ZDHHC21: variants seen among roughly 807,000 people sequenced by gnomAD.
ZDHHC21 encodes the protein palmitoyltransferase ZDHHC21.
In ZDHHC21, 15 loss-of-function variants were observed where a neutral mutation model predicts 34.6. The ratio of observed to expected loss-of-function variants is 0.43; its 90% CI spans 0.29 to 0.67. The LOEUF is 0.67. Ranked by LOEUF, ZDHHC21 falls within the 30% of genes least tolerant of loss-of-function variation. The pLI, the probability that ZDHHC21 is intolerant of heterozygous loss-of-function variation, is 0.14. For missense variants in ZDHHC21, 344 were observed against 327.7 expected, an observed-to-expected ratio of 1.05 and a Z score of -0.38; for synonymous variants, 142 against 101.8, an observed-to-expected ratio of 1.40 and a Z score of -2.38.
intron 5 of ZDHHC21, among the ~76,000 whole-genome samples, chr9:14,666,647 G>A (rs1313636247): frequency 9.2e-6 from 1 of 108,806 alleles, no homozygotes; most frequent in African/African-American, 3.1e-5. Flanking sequence ...ATAACAAACT[G>A]TCTCTCAGAC....
intron 6 of ZDHHC21, among the ~76,000 whole-genome samples, chr9:14,660,259 G>C (rs970257278): frequency 1.3e-5 from 2 of 151,416 alleles, no homozygotes; most frequent in Non-Finnish European, 2.9e-5. Flanking sequence ...CCAGCTACTC[G>C]GGAGGCTGAG....
Position 14,618,791 on chromosome 9 carries a change from A to G in ZDHHC21, c.*175T>C. The G allele has an allele frequency of 1.8e-6, 1 of 548,984 alleles. No individual in the cohort carries two copies. The allele number at this position is 548,984 out of a possible 1,614,324, so 34.0% of individuals were successfully genotyped here. ...TTTAAAACTTAAATATAGATCTTGT[A>G]TTAGTCCCACAACAGGATCAAGATC... On this transcript the variant is annotated 3_prime_UTR_variant, in exon 10 of 10. Coordinates refer to ENST00000380916, the MANE Select transcript of ZDHHC21 (RefSeq NM_178566.6).
At chr9:14,681,839 C>G (rs1022623079) in intron 2 of ZDHHC21, among the ~76,000 whole-genome samples, 2 of 152,032 alleles carry the variant, frequency 1.3e-5, no homozygotes, top group Non-Finnish European at 2.9e-5. Context: ...AACAGCAGAT[C>G]TCTTGGCAGA....
rs200099106 is a variant in ZDHHC21 at position 14,618,946 on chromosome 9, T to C, written c.*20A>G. 4.2e-4 allele frequency: 664 copies of C among 1,577,850 alleles called. 1 individual carries two copies. Among genetic ancestry groups the C allele is most frequent in the Non-Finnish European group, 8.6e-5 (100 of 1,161,600 alleles). ...GCATTGCCAGCATGGAGGACCCATCTGTGCCCACCATCCATCTGTTTAGAC... is the reference window on the plus strand; with the variant it reads ...GCATTGCCAGCATGGAGGACCCATCCGTGCCCACCATCCATCTGTTTAGAC... On this transcript the variant is annotated 3_prime_UTR_variant, in exon 10 of 10. Transcript: ENST00000380916.
chr9:14,676,766 T>C (rs1836463967), intron 3 of ZDHHC21, among the ~76,000 whole-genome samples: 2 of 151,838 alleles, frequency 1.3e-5, no homozygotes, highest in East Asian at 1.9e-4. Context: ...CAAATACAAA[T>C]GGTAAGCTAT....
At chr9:14,596,122 G>A in the ZDHHC21 span, among the ~76,000 whole-genome samples, 2 of 152,320 alleles carry the variant, frequency 1.3e-5, no homozygotes, top group South Asian at 4.1e-4. Flanking sequence ...GTATGTGAAT[G>A]TTCATGGCAG....
intron 5 of ZDHHC21, among the ~76,000 whole-genome samples, chr9:14,666,720 G>T (rs1391518633): frequency 1.1e-5 from 1 of 91,030 alleles, no homozygotes; most frequent in Non-Finnish European, 2.4e-5. Context: ...CAACTACATG[G>T]AAACTGAACA....
At chr9:14,590,816 C>T in the ZDHHC21 span, among the ~76,000 whole-genome samples, 3 of 151,902 alleles carry the variant, frequency 2.0e-5, no homozygotes, top group African/African-American at 7.3e-5. Flanking sequence ...ACGAAGAGCA[C>T]CAGAAATGAT....
At chr9:14,627,271 G>C (rs1369966453) in intron 8 of ZDHHC21, among the ~76,000 whole-genome samples, 1 of 152,122 alleles carries the variant, frequency 6.6e-6, no homozygotes, top group Non-Finnish European at 1.5e-5. Context: ...ACTTTTCAGT[G>C]AGTAAGGTAG....
At chr9:14,674,137 T>A (rs1184377791) in intron 4 of ZDHHC21, 50 bp downstream of exon 4, 4 of 1,356,246 alleles carry the variant, frequency 2.9e-6, no homozygotes, top group Non-Finnish European at 3.9e-6. Flanking sequence ...CCAAAAACGT[T>A]TACAATGAGA....
chr9:14,659,089 G>T (rs147242617), intron 6 of ZDHHC21, among the ~76,000 whole-genome samples: 1 of 152,070 alleles, frequency 6.6e-6, no homozygotes, highest in Non-Finnish European at 1.5e-5. Context: ...CTTCACAAAG[G>T]AAGTCCACAT....
chr9:14,661,982 A>G (rs950090737), intron 6 of ZDHHC21, among the ~76,000 whole-genome samples: 1 of 150,888 alleles, frequency 6.6e-6, no homozygotes, highest in Non-Finnish European at 1.5e-5. Context: ...ATCAGGCTGC[A>G]GTTAATTCTT....
At chr9:14,662,127 C>T (rs1467419173) in intron 6 of ZDHHC21, 88 bp downstream of exon 6, 2 of 802,206 alleles carry the variant, frequency 2.5e-6, no homozygotes, top group Admixed American at 3.3e-5. Flanking sequence ...ATAACTTTAA[C>T]ATAACTGTTG....
chr9:14,648,483 C>G (rs1459826558), intron 7 of ZDHHC21, among the ~76,000 whole-genome samples: 1 of 152,062 alleles, frequency 6.6e-6, no homozygotes, highest in Non-Finnish European at 1.5e-5. Flanking sequence ...TCACTCCACT[C>G]AAGATACACT....
chr9:14,644,175 C>A (rs1829881795), intron 7 of ZDHHC21, among the ~76,000 whole-genome samples: 1 of 152,044 alleles, frequency 6.6e-6, no homozygotes. Flanking sequence ...CTATTAATTT[C>A]ATTGTCTAAA....
chr9:14,592,404 T>C, the ZDHHC21 span, among the ~76,000 whole-genome samples: 16 of 152,228 alleles, frequency 1.1e-4, no homozygotes, highest in Middle Eastern at 3.4e-3. Context: ...TTTTCTTAAG[T>C]GATATTGACT....
At chr9:14,662,110 A>C in intron 6 of ZDHHC21, 105 bp downstream of exon 6, 1 of 664,658 alleles carries the variant, frequency 1.5e-6, no homozygotes, top group East Asian at 3.0e-5. Context: ...AGATATTGTA[A>C]AACTATATAA....
chr9:14,671,063 TA>T (rs1225816142), intron 5 of ZDHHC21, among the ~76,000 whole-genome samples: 1 of 151,970 alleles, frequency 6.6e-6, no homozygotes, highest in Non-Finnish European at 1.5e-5. Context: ...TTTAAAAAAT[TA>T]AAAGCTAACA....
At chr9:14,640,821 T>C (rs957998570) in intron 7 of ZDHHC21, among the ~76,000 whole-genome samples, 2 of 151,964 alleles carry the variant, frequency 1.3e-5, no homozygotes, top group Admixed American at 1.3e-4. Context: ...GGCTCAGAGA[T>C]TGAAAATGAG....
Sources: allele counts gnomAD v4.1 joint callset (sites outside exome capture counted in the v4.1 genomes callset), GRCh38; gene constraint gnomAD v4.1.1; transcripts MANE v1.5; gene names NCBI Gene and HGNC (gene_info 2026-07-23, HGNC 2026-07-21).